The following ARFGEF3 variants were observed in gnomAD, a reference collection of about 807,000 sequenced individuals.
The protein encoded by ARFGEF3 is ARFGEF family member 3.
A neutral mutation model predicts 221.7 loss-of-function variants in ARFGEF3; 96 were observed. That is an observed-to-expected ratio of 0.43 (90% confidence interval 0.37 to 0.51). The LOEUF (loss-of-function observed/expected upper bound fraction) is 0.51. ARFGEF3 is among the 20% of genes least tolerant of loss of function. The pLI, the probability that ARFGEF3 is intolerant of heterozygous loss-of-function variation, is 0.00. For missense variants in ARFGEF3, 2,410 were observed against 2,789.9 expected, an observed-to-expected ratio of 0.86 and a Z score of 3.07; for synonymous variants, 1,145 against 1,126.8, an observed-to-expected ratio of 1.02 and a Z score of -0.32.
At chr6:138,265,877 C>T (rs988464615) in intron 12 of ARFGEF3, among the ~76,000 whole-genome samples, 2 of 151,930 alleles carry the variant, frequency 1.3e-5, no homozygotes, top group Non-Finnish European at 1.5e-5. Context: ...GTAGCTGAGA[C>T]TATACGCACC....
intron 1 of ARFGEF3, among the ~76,000 whole-genome samples, chr6:138,163,442 G>A (rs1776658210): frequency 6.6e-6 from 1 of 152,158 alleles, no homozygotes; most frequent in Non-Finnish European, 1.5e-5. Flanking sequence ...ATTCAGCAGC[G>A]TGATTCGAAG....
intron 5 of ARFGEF3, among the ~76,000 whole-genome samples, chr6:138,234,410 C>T (rs180919296): frequency 1.7e-4 from 26 of 152,230 alleles, no homozygotes; most frequent in Admixed American, 1.6e-3. Context: ...AACTTCCCTA[C>T]CTAACGTGGT....
intron 14 of ARFGEF3, among the ~76,000 whole-genome samples, chr6:138,281,923 G>C (rs1195099399): frequency 6.6e-6 from 1 of 152,144 alleles, no homozygotes; most frequent in African/African-American, 2.4e-5. Flanking sequence ...TGAGTCCCCA[G>C]ACTGGGTTTT....
intron 10 of ARFGEF3, 91 bp downstream of exon 10, chr6:138,255,860 C>A: frequency 8.9e-7 from 1 of 1,125,498 alleles, no homozygotes; most frequent in Middle Eastern, 3.0e-4. Context: ...GCTTGCCAAT[C>A]ACTTGCCGGA....
chr6:138,280,642 G>A (rs1348507989), intron 14 of ARFGEF3, among the ~76,000 whole-genome samples: 2 of 152,340 alleles, frequency 1.3e-5, no homozygotes, highest in East Asian at 3.9e-4. Flanking sequence ...CCTGAGGTCA[G>A]GAGTTCGAGA....
chr6:138,187,410 T>C (rs2114460691), intron 2 of ARFGEF3, among the ~76,000 whole-genome samples: 1 of 152,320 alleles, frequency 6.6e-6, no homozygotes, highest in South Asian at 2.1e-4. Context: ...GACCTCCCTT[T>C]ATGGTCTTTC....
At position 138,317,246 on chromosome 6, in the gene ARFGEF3, TCCAGG is replaced by T; in HGVS notation, c.4346-4_4346del. 1 of 1,612,498 alleles carries T rather than the reference TCCAGG, an allele frequency of 6.2e-7. No individual in the cohort carries two copies. The highest frequency in any genetic ancestry group is 1.3e-5 in the African/African-American group (1 of 74,894). On this transcript the variant is annotated splice_acceptor_variant and splice_polypyrimidine_tract_variant and coding_sequence_variant and intron_variant, in exon 27 of 34. Transcript: ENST00000251691. LOFTEE classifies it high-confidence loss of function. ...TTTCATACAGGTCTGCTTTTTGGTT[TCCAGG>T]TCTGATAGAAGTCTGGATAATCCTG...
chr6:138,179,787 GAT>G (rs1777042685), intron 2 of ARFGEF3, among the ~76,000 whole-genome samples: 1 of 152,150 alleles, frequency 6.6e-6, no homozygotes, highest in African/African-American at 2.4e-5. Context: ...ACTTCTGCAA[GAT>G]ATGCAAGTTT....
chr6:138,313,233 G>A (rs891523210), intron 25 of ARFGEF3, among the ~76,000 whole-genome samples: 3 of 152,098 alleles, frequency 2.0e-5, no homozygotes, highest in East Asian at 3.9e-4. Context: ...GAGAGCTCAC[G>A]GGTGCCTGGG....
intron 31 of ARFGEF3, among the ~76,000 whole-genome samples, chr6:138,327,729 TAA>T (rs71726156): frequency 0.025 from 3,825 of 152,266 alleles, 130 homozygotes; most frequent in African/African-American, 0.087. Flanking sequence ...TAGTTAATAT[TAA>T]GTGTCAATAC....
intron 3 of ARFGEF3, among the ~76,000 whole-genome samples, chr6:138,209,357 C>T (rs751516709): frequency 3.3e-5 from 5 of 152,040 alleles, no homozygotes; most frequent in Admixed American, 1.3e-4. Flanking sequence ...TTTGTATGGC[C>T]GGCACATTAG....
At chr6:138,271,276 G>A (rs1382628440) in intron 12 of ARFGEF3, among the ~76,000 whole-genome samples, 2 of 152,098 alleles carry the variant, frequency 1.3e-5, no homozygotes, top group African/African-American at 4.8e-5. Flanking sequence ...AGGACATAGT[G>A]GGCAACGTAG....
chr6:138,326,916 C>CT (rs1780136661), intron 31 of ARFGEF3, among the ~76,000 whole-genome samples: 1 of 152,138 alleles, frequency 6.6e-6, no homozygotes, highest in African/African-American at 2.4e-5. Flanking sequence ...GAATACTATG[C>CT]AGTCATAAAA....
chr6:138,200,817 A>G (rs1777520161), intron 2 of ARFGEF3, among the ~76,000 whole-genome samples: 1 of 152,202 alleles, frequency 6.6e-6, no homozygotes, highest in African/African-American at 2.4e-5. Context: ...AAACAAAGAA[A>G]AATAGCTGGG....
chr6:138,193,050 G>A (rs1365820639), intron 2 of ARFGEF3, among the ~76,000 whole-genome samples: 1 of 152,054 alleles, frequency 6.6e-6, no homozygotes, highest in African/African-American at 2.4e-5. Flanking sequence ...CTGGCTAAAG[G>A]TTAGTTTCTC....
chr6:138,301,988 T>TG (rs976247957), intron 22 of ARFGEF3, among the ~76,000 whole-genome samples: 2 of 151,992 alleles, frequency 1.3e-5, no homozygotes, highest in East Asian at 3.9e-4. Context: ...CACCTTAGTC[T>TG]GGGGGGAAAA....
intron 25 of ARFGEF3, among the ~76,000 whole-genome samples, chr6:138,312,318 G>T (rs1429612725): frequency 6.6e-6 from 1 of 152,048 alleles, no homozygotes; most frequent in Non-Finnish European, 1.5e-5. Flanking sequence ...TTTCTCACCT[G>T]TCTTCTCAGG....
intron 13 of ARFGEF3, among the ~76,000 whole-genome samples, chr6:138,279,647 G>A (rs1583046428): frequency 6.6e-6 from 1 of 152,338 alleles, no homozygotes; most frequent in East Asian, 1.9e-4. Context: ...ATTCCTGCAG[G>A]AGCACGTTCC....
intron 5 of ARFGEF3, among the ~76,000 whole-genome samples, chr6:138,234,308 G>A (rs1350872632): frequency 6.6e-6 from 1 of 152,184 alleles, no homozygotes. Flanking sequence ...GACCATAGAG[G>A]AGGAAGAGGC....
Sources: gnomAD v4.1 joint callset for allele counts (sites outside exome capture counted in the v4.1 genomes callset) on GRCh38, gnomAD v4.1.1 for gene constraint, MANE v1.5 for transcripts, NCBI Gene and HGNC (gene_info 2026-07-23, HGNC 2026-07-21) for gene names.